HTR2C: variants seen among roughly 807,000 people sequenced by gnomAD.
The protein encoded by HTR2C is 5-hydroxytryptamine (serotonin) receptor 2C, G protein-coupled.
In HTR2C, 5 loss-of-function variants were observed where a neutral mutation model predicts 21.0. That is an observed-to-expected ratio of 0.24 (90% CI 0.12 to 0.50). The LOEUF (loss-of-function observed/expected upper bound fraction) is 0.50, where lower values mean the gene tolerates loss of function less well. Among genes scored for constraint, HTR2C ranks in the 20% least tolerant of loss-of-function variants. HTR2C has a pLI of 0.98. For missense variants in HTR2C, 271 were observed against 371.2 expected (o/e 0.73, Z 2.22); for synonymous variants, 150 against 145.3 (o/e 1.03, Z -0.23).
intron 4 of HTR2C, among the ~76,000 whole-genome samples, chrX:114,744,934 A>G (rs2069687916): frequency 8.9e-6 from 1 of 112,181 alleles, no homozygotes; most frequent in Non-Finnish European, 1.9e-5. Flanking sequence ...AAATGAACCA[A>G]TTCTCTTAAA....
At chrX:114,631,540 G>A (rs781993393) in intron 2 of HTR2C, among the ~76,000 whole-genome samples, 25 of 111,377 alleles carry the variant, frequency 2.2e-4, no homozygotes, top group South Asian at 7.5e-4. Flanking sequence ...AAATTTCTGG[G>A]CAATTTGCTC....
In HTR2C at chrX:114,681,644, G is replaced by A. The variant is rs782254581; in HGVS notation, c.-79-45214G>A. Among the ~76,000 whole-genome samples the A allele has an allele frequency of 2.7e-5, 3 of 111,335 alleles. No homozygotes were observed. The South Asian group carries it at 1.1e-3, about 42-fold the overall frequency. ...TAATGTTTTCTCTGGTTTGTCTTTT[G>A]TCTCTCAGATTAATGTGAAAAACAC... On this transcript the variant is annotated intron_variant, in intron 2 of 5. Transcript: ENST00000276198.
intron 4 of HTR2C, among the ~76,000 whole-genome samples, chrX:114,845,139 A>C (rs1168035204): frequency 4.5e-5 from 5 of 111,633 alleles, no homozygotes; most frequent in Non-Finnish European, 9.4e-5. Flanking sequence ...ATGTCAATAC[A>C]TTTAAAATAT....
At chrX:114,900,931 G>A (rs189782049) in intron 5 of HTR2C, among the ~76,000 whole-genome samples, 7 of 111,874 alleles carry the variant, frequency 6.3e-5, no homozygotes, top group Non-Finnish European at 9.4e-5. Flanking sequence ...CCCTTTGTTC[G>A]TAATGACATA....
At chrX:114,606,882 C>T (rs1429010619) in intron 1 of HTR2C, among the ~76,000 whole-genome samples, 3 of 109,830 alleles carry the variant, frequency 2.7e-5, no homozygotes, top group African/African-American at 1.0e-4. Context: ...GGGCTGAGTC[C>T]GAAAAGAGAG....
rs190145918 is a variant in HTR2C at position 114,774,517 on chromosome X, C to T, written c.349+42910C>T. ...TGCATTTTGCTACTAATAATTTATA[C>T]AAAATGTAAGTGCTTATATCTCTGT... On this transcript the variant is annotated intron_variant, in intron 4 of 5. Coordinates refer to ENST00000276198, the MANE Select transcript of HTR2C (RefSeq NM_000868.4). Among the ~76,000 whole-genome samples, 437 of 111,871 alleles carry T rather than the reference C, an allele frequency of 3.9e-3. 3 individuals carry two copies. The highest frequency in any genetic ancestry group is 6.5e-3 in the Non-Finnish European group (347 of 53,173).
chrX:114,737,769 A>C (rs1022349715), intron 4 of HTR2C, among the ~76,000 whole-genome samples: 1 of 111,769 alleles, frequency 8.9e-6, no homozygotes, highest in Admixed American at 9.5e-5. Context: ...TGTAAAAGGA[A>C]ACAGACCAAT....
chrX:114,648,405 G>A (rs781799549), intron 2 of HTR2C, among the ~76,000 whole-genome samples: 4 of 111,170 alleles, frequency 3.6e-5, no homozygotes, highest in Non-Finnish European at 7.5e-5. Flanking sequence ...GTACTACTAC[G>A]GTCTTCTAGA....
intron 2 of HTR2C, among the ~76,000 whole-genome samples, chrX:114,687,996 C>A (rs886671297): frequency 2.2e-4 from 24 of 111,429 alleles, no homozygotes; most frequent in Middle Eastern, 4.3e-3. Context: ...TAAAGCATGG[C>A]ACTTTTTTAA....
At chrX:114,781,573 C>T (rs2070118207) in intron 4 of HTR2C, among the ~76,000 whole-genome samples, 1 of 109,614 alleles carries the variant, frequency 9.1e-6, no homozygotes. Flanking sequence ...TGATCACAGC[C>T]CACTGCAGCC....
At chrX:114,837,762 G>A (rs1360913682) in intron 4 of HTR2C, among the ~76,000 whole-genome samples, 4 of 110,387 alleles carry the variant, frequency 3.6e-5, no homozygotes, top group African/African-American at 1.3e-4. Context: ...AGTTATACAA[G>A]TTAGTTTATA....
chrX:114,831,454 A>G (rs1310853426), intron 4 of HTR2C, among the ~76,000 whole-genome samples: 9 of 97,343 alleles, frequency 9.2e-5, no homozygotes, highest in Admixed American at 3.5e-4. Context: ...GCCAGTGATG[A>G]TGAGCATTTT....
chrX:114,782,127 CA>C (rs782535480), intron 4 of HTR2C, among the ~76,000 whole-genome samples: 9 of 72,825 alleles, frequency 1.2e-4, no homozygotes, highest in African/African-American at 1.6e-4. Context: ...CTGACTTCTC[CA>C]AAAAAAAAAA....
intron 5 of HTR2C, among the ~76,000 whole-genome samples, chrX:114,905,134 C>T (rs1190936634): frequency 9.0e-6 from 1 of 110,944 alleles, no homozygotes; most frequent in Non-Finnish European, 1.9e-5. Flanking sequence ...TTCAGTCTTT[C>T]CTACTTTCTT....
intron 4 of HTR2C, among the ~76,000 whole-genome samples, chrX:114,812,191 T>C (rs1457965442): frequency 9.1e-6 from 1 of 109,781 alleles, no homozygotes; most frequent in Non-Finnish European, 1.9e-5. Flanking sequence ...TCTTGCTACC[T>C]TCTCTTCTGC....
chrX:114,794,498 G>T (rs1338934317), intron 4 of HTR2C, among the ~76,000 whole-genome samples: 1 of 102,546 alleles, frequency 9.8e-6, no homozygotes, highest in Non-Finnish European at 2.0e-5. Context: ...TTAGCATTAG[G>T]TATATCTCCT....
At chrX:114,776,944 G>T (rs782397449) in intron 4 of HTR2C, among the ~76,000 whole-genome samples, 1 of 111,531 alleles carries the variant, frequency 9.0e-6, no homozygotes, top group Admixed American at 9.6e-5. Context: ...AAAACACTAT[G>T]ATTAAAAACT....
At chrX:114,751,858 C>A (rs781881271) in intron 4 of HTR2C, among the ~76,000 whole-genome samples, 31 of 111,531 alleles carry the variant, frequency 2.8e-4, no homozygotes, top group Non-Finnish European at 5.3e-4. Flanking sequence ...CTTCACCCTT[C>A]AAATTCCTAC....
intron 4 of HTR2C, among the ~76,000 whole-genome samples, chrX:114,846,843 A>T (rs2070877526): frequency 8.9e-6 from 1 of 112,296 alleles, no homozygotes; most frequent in Admixed American, 9.4e-5. Flanking sequence ...GGAAAATTGG[A>T]AAAGAATAAA....
Sources: gnomAD v4.1 joint callset for allele counts (sites outside exome capture counted in the v4.1 genomes callset) on GRCh38, gnomAD v4.1.1 for gene constraint, MANE v1.5 for transcripts, NCBI Gene and HGNC (gene_info 2026-07-23, HGNC 2026-07-21) for gene names.